ACER3: variants seen among roughly 807,000 people sequenced by gnomAD.
ACER3 encodes alkCDase 3.
ACER3 carries 16 observed loss-of-function variants against 48.9 expected under a neutral mutation model. That is an observed-to-expected ratio of 0.33 (90% CI 0.22 to 0.50). ACER3 has a LOEUF of 0.50. ACER3 is among the 20% of genes least tolerant of loss of function. The pLI, the probability that ACER3 is intolerant of heterozygous loss-of-function variation, is 0.98. For synonymous variants in ACER3, 109 were observed against 107.8 expected, an observed-to-expected ratio of 1.01 and a Z score of -0.07; for missense variants, 227 against 326.0, an observed-to-expected ratio of 0.70 and a Z score of 2.34.
chr11:76,957,514 G>T (rs1418511650), intron 2 of ACER3: 3 of 447,736 alleles, frequency 6.7e-6, no homozygotes, highest in Admixed American at 2.4e-5. Flanking sequence ...CACAATCTCG[G>T]CTCACTGCAA....
intron 2 of ACER3, among the ~76,000 whole-genome samples, chr11:76,946,559 C>T (rs899253389): frequency 6.6e-5 from 10 of 152,202 alleles, no homozygotes; most frequent in African/African-American, 2.4e-4. Context: ...CTAGGTAGGG[C>T]AGGGCCCCTT....
At chr11:77,006,023 C>T (rs1949141271) in intron 7 of ACER3, among the ~76,000 whole-genome samples, 1 of 83,054 alleles carries the variant, frequency 1.2e-5, no homozygotes, top group Non-Finnish European at 2.8e-5. Flanking sequence ...GAGTTTCACT[C>T]TTGTTGCCCA....
chr11:76,865,961 A>AC (rs1257512100), intron 1 of ACER3, among the ~76,000 whole-genome samples: 1 of 149,084 alleles, frequency 6.7e-6, no homozygotes, highest in African/African-American at 2.5e-5. Context: ...GGAGGCACGC[A>AC]CCACCATACC....
intron 1 of ACER3, among the ~76,000 whole-genome samples, chr11:76,886,602 T>C (rs1945678031): frequency 1.3e-5 from 2 of 152,050 alleles, no homozygotes; most frequent in African/African-American, 4.8e-5. Context: ...GAGACTAGGA[T>C]TGATGAAGAA....
intron 1 of ACER3, among the ~76,000 whole-genome samples, chr11:76,906,965 T>TA (rs1946249269): frequency 6.6e-6 from 1 of 152,220 alleles, no homozygotes; most frequent in Non-Finnish European, 1.5e-5. Flanking sequence ...GCCTATTTGT[T>TA]ACATTATTCT....
At chr11:76,906,841 A>T (rs1281568126) in intron 1 of ACER3, among the ~76,000 whole-genome samples, 1 of 152,188 alleles carries the variant, frequency 6.6e-6, no homozygotes, top group Admixed American at 6.5e-5. Flanking sequence ...GATTATAGGC[A>T]TGAGCCGCCA....
At chr11:76,996,969 G>A (rs572154425) in intron 6 of ACER3, among the ~76,000 whole-genome samples, 30 of 150,378 alleles carry the variant, frequency 2.0e-4, no homozygotes, top group Middle Eastern at 3.6e-3. Flanking sequence ...CAAGTGATCC[G>A]CCTGCCTTGG....
intron 2 of ACER3, among the ~76,000 whole-genome samples, chr11:76,953,841 C>T (rs1334372857): frequency 1.3e-5 from 2 of 152,002 alleles, no homozygotes; most frequent in Non-Finnish European, 2.9e-5. Flanking sequence ...AAATGCAAAA[C>T]TGATTATATC....
intron 2 of ACER3, among the ~76,000 whole-genome samples, chr11:76,949,568 A>G (rs535839507): frequency 6.6e-6 from 1 of 152,156 alleles, no homozygotes; most frequent in African/African-American, 2.4e-5. Flanking sequence ...AATTATCTCC[A>G]GAATTTCTAA....
At chr11:76,941,408 C>G (rs1947340059) in intron 2 of ACER3, among the ~76,000 whole-genome samples, 1 of 152,062 alleles carries the variant, frequency 6.6e-6, no homozygotes, top group Non-Finnish European at 1.5e-5. Flanking sequence ...AGTTATAATT[C>G]TCAAAACCAG....
At chr11:76,869,752 TG>T (rs1467932935) in intron 1 of ACER3, among the ~76,000 whole-genome samples, 1 of 152,248 alleles carries the variant, frequency 6.6e-6, no homozygotes, top group African/African-American at 2.4e-5. Context: ...CTTGTCTTTT[TG>T]TGAGTGTTTT....
chr11:76,879,604 A>G (rs1214125769), intron 1 of ACER3, among the ~76,000 whole-genome samples: 2 of 152,154 alleles, frequency 1.3e-5, no homozygotes, highest in Admixed American at 1.3e-4. Context: ...TGATTGAGGA[A>G]GTTCTTTACT....
At chr11:77,002,830 A>C (rs1169824688) in intron 7 of ACER3, among the ~76,000 whole-genome samples, 1 of 152,200 alleles carries the variant, frequency 6.6e-6, no homozygotes, top group Admixed American at 6.5e-5. Flanking sequence ...AGGCTAAGTG[A>C]AATAAGCCAG....
intron 8 of ACER3, among the ~76,000 whole-genome samples, chr11:77,015,993 G>C (rs1207344925): frequency 6.6e-6 from 1 of 151,936 alleles, no homozygotes; most frequent in African/African-American, 2.4e-5. Flanking sequence ...TGTAATCCCA[G>C]CTACTTGGGA....
At chr11:76,891,670 C>T (rs1437463950) in intron 1 of ACER3, among the ~76,000 whole-genome samples, 2 of 152,130 alleles carry the variant, frequency 1.3e-5, no homozygotes, top group Non-Finnish European at 2.9e-5. Context: ...AAGCCCTCAA[C>T]CTGTGGTTTC....
intron 1 of ACER3, among the ~76,000 whole-genome samples, chr11:76,880,658 G>C (rs1166222144): frequency 6.6e-6 from 1 of 152,216 alleles, no homozygotes; most frequent in Non-Finnish European, 1.5e-5. Flanking sequence ...CTTCTGAAAT[G>C]GGGGTCTTGT....
intron 3 of ACER3, among the ~76,000 whole-genome samples, chr11:76,963,295 T>C (rs1948048559): frequency 7.8e-6 from 1 of 128,564 alleles, no homozygotes; most frequent in Admixed American, 7.7e-5. Flanking sequence ...TACCCACAAC[T>C]ACATAAAGGG....
chr11:76,878,147 C>T (rs1052170723), intron 1 of ACER3, among the ~76,000 whole-genome samples: 7 of 151,892 alleles, frequency 4.6e-5, no homozygotes, highest in Admixed American at 4.6e-4. Context: ...TCTTGTGCAT[C>T]TTCTGGTACA....
intron 2 of ACER3, among the ~76,000 whole-genome samples, chr11:76,928,814 G>A (rs1218831964): frequency 1.3e-5 from 2 of 152,086 alleles, no homozygotes; most frequent in East Asian, 1.9e-4. Context: ...TGTTCCATTG[G>A]TCTATATCTC....
Sources: allele counts gnomAD v4.1 joint callset (sites outside exome capture counted in the v4.1 genomes callset), GRCh38; gene constraint gnomAD v4.1.1; transcripts MANE v1.5; gene names NCBI Gene and HGNC (gene_info 2026-07-23, HGNC 2026-07-21).